HIPK4: variants seen among roughly 807,000 people sequenced by gnomAD.
HIPK4 encodes homeodomain-interacting protein kinase 4.
HIPK4 carries 26 observed loss-of-function variants against 44.8 expected under a neutral mutation model. The ratio of observed to expected loss-of-function variants is 0.58; its 90% confidence interval spans 0.43 to 0.80. The LOEUF (loss-of-function observed/expected upper bound fraction) is 0.80. HIPK4 is among the 30% of genes least tolerant of loss of function. The pLI is 0.00. For synonymous variants in HIPK4, 340 were observed against 355.5 expected (o/e 0.96, Z 0.49); for missense variants, 729 against 862.6 (o/e 0.85, Z 1.94).
chr19:40,389,110 G>A lies in HIPK4; in HGVS notation c.465+328C>T, dbSNP rs1201648186. On this transcript the variant is annotated intron_variant, in intron 1 of 3. Transcript: ENST00000291823. This position sits in a 1 kb window ranked among gnomAD's most constrained non-coding sequence, Gnocchi z 4.6. ...AGGCAGGAGAATCGCTTGAACCCGG[G>A]AGGCGGAGGCAGTGAACCAAGATCA... Among the ~76,000 whole-genome samples the A allele has an allele frequency of 3.3e-5, 5 of 151,374 alleles. No individual in the cohort carries two copies. The highest frequency in any genetic ancestry group is 1.2e-4 in the African/African-American group (5 of 41,096).
chr19:40,389,549 C>T lies in HIPK4; in HGVS notation c.354G>A (p.Leu118=). The T allele has an allele frequency of 6.2e-7, 1 of 1,613,804 alleles. No individual in the cohort carries two copies. The highest frequency in any genetic ancestry group is 1.3e-5 in the African/African-American group (1 of 74,920). The change falls in exon 1 of 4, where the codon CTG becomes CTA. Residue 118 remains leucine, a synonymous_variant. Transcript: ENST00000291823. This position sits in a 1 kb window ranked among gnomAD's most constrained non-coding sequence, Gnocchi z 4.6. ...LPARHIRTVT[L]QVLTALARLK... ...GCCGGGCCAGGGCTGTGAGCACCTGCAGGGTGACTGTACGGATGTGGCGGG... is the reference window on the plus strand; with the variant it reads ...GCCGGGCCAGGGCTGTGAGCACCTGTAGGGTGACTGTACGGATGTGGCGGG...
rs201954765 is a variant in HIPK4 at position 40,380,334 on chromosome 19, T to A, written c.1657A>T (p.Met553Leu). The stretch of plus-strand genomic sequence containing the variant: ...CGCACCCGGCTCACCTCAGCTTCCA[T>A]GGTCATGTTGTCAATGTTGGGCCCA... ...EDGPNIDNMT[M>L]EAERPDPELF... The change falls in exon 3 of 4, where the codon ATG becomes TTG. Residue 553 changes from methionine to leucine, a missense_variant. Met to Leu is a conservative substitution (Grantham distance 15). Around this residue, in one of 2 missense-constraint regions of HIPK4, gnomAD observed 533 missense variants for 567.5 expected, o/e 0.94. Coordinates refer to ENST00000291823, the MANE Select transcript of HIPK4 (RefSeq NM_144685.5). This position sits in a 1 kb window ranked among gnomAD's most constrained non-coding sequence, Gnocchi z 4.2. 11 of 1,612,812 alleles carry A rather than the reference T, an allele frequency of 6.8e-6. No homozygotes were observed. The highest frequency in any genetic ancestry group is 9.3e-6 in the Non-Finnish European group (11 of 1,178,924).
chr19:40,381,227 C>A, intron 2 of HIPK4, 59 bp from the exon 3 acceptor site: 1 of 1,407,874 alleles, frequency 7.1e-7, no homozygotes, highest in Non-Finnish European at 9.7e-7. Context: ...GGGCCCTGGG[C>A]ACTCCTGCTG....
chr19:40,385,111 G>A (rs550371347), intron 1 of HIPK4, among the ~76,000 whole-genome samples: 5 of 152,166 alleles, frequency 3.3e-5, no homozygotes, highest in South Asian at 4.2e-4. Context: ...CCACAGCCCC[G>A]ACCCTGGTCC....
Position 40,386,551 on chromosome 19 carries a change from G to A in HIPK4, c.466-2412C>T, listed in dbSNP as rs182803267. On this transcript the variant is annotated intron_variant, in intron 1 of 3. Coordinates refer to ENST00000291823, the MANE Select transcript of HIPK4 (RefSeq NM_144685.5). ...TAACTTTTTGTAGAGATAGAGATGG[G>A]TCTCACTATGTTGCCCAGGATGGCT... Among the ~76,000 whole-genome samples, 39 of 151,834 alleles carry A rather than the reference G, an allele frequency of 2.6e-4. No individual in the cohort carries two copies. In the East Asian group the frequency reaches 7.1e-3, roughly 27 times the overall value.
At position 40,380,669 on chromosome 19, in the gene HIPK4, A is replaced by T. The variant is rs1347126238; in HGVS notation, c.1322T>A (p.Leu441Gln). Residue 441 changes from leucine to glutamine, a missense_variant, in exon 3 of 4, where the codon CTG becomes CAG. Around this residue, in one of 2 missense-constraint regions of HIPK4, gnomAD observed 533 missense variants for 567.5 expected, o/e 0.94. Coordinates refer to ENST00000291823, the MANE Select transcript of HIPK4 (RefSeq NM_144685.5). The surrounding 1 kb of genome is among the most constrained non-coding windows in gnomAD (Gnocchi z 4.2). ...CGCATTGGTGCAGGTCTCACCCCAC[A>T]GCCCATGCCCAGCCTCCTGCAGACT... ...DLSLQEAGHG[L>Q]WGETCTNAVS... 13 of 1,613,924 alleles carry T rather than the reference A, an allele frequency of 8.1e-6. No individual in the cohort carries two copies. The highest frequency in any genetic ancestry group is 1.1e-5 in the Non-Finnish European group (13 of 1,179,956).
chr19:40,382,052 C>T (rs1227403083), intron 2 of HIPK4, among the ~76,000 whole-genome samples: 1 of 151,928 alleles, frequency 6.6e-6, no homozygotes, highest in African/African-American at 2.4e-5. Flanking sequence ...GTGATCCACC[C>T]ACCTCGGCCT....
rs1251304652 is a variant in HIPK4, at chr19:40,381,030, C to T, written c.961G>A (p.Val321Met). 1 of 1,613,588 alleles carries T rather than the reference C, an allele frequency of 6.2e-7. No individual in the cohort carries two copies. The highest frequency in any genetic ancestry group is 8.5e-7 in the Non-Finnish European group (1 of 1,180,026). The change falls in exon 3 of 4, where the codon GTG becomes ATG. Residue 321 changes from valine (V) to methionine (M), a missense_variant. Val to Met is a conservative substitution (Grantham distance 21). This residue lies in a region of HIPK4 where 533 missense variants were observed against 567.5 expected (regional missense o/e 0.94). Transcript: ENST00000291823. Reference protein sequence around the residue: ...LAEHADLKSMVELIKRMLTWE... With the variant: ...LAEHADLKSMMELIKRMLTWE... ...GTCAGCATGCGCTTGATCAGCTCCA[C>T]CATGCTCTTGAGGTCGGCGTGCTCC... is the stretch of plus-strand genomic sequence containing the variant.
chr19:40,385,650 G>T (rs1046782061), intron 1 of HIPK4, among the ~76,000 whole-genome samples: 1 of 141,696 alleles, frequency 7.1e-6, no homozygotes, highest in East Asian at 2.1e-4. Context: ...TCTATCCCCC[G>T]CCAGGCCCCT....
chr19:40,387,384 C>T (rs1010803803), intron 1 of HIPK4, among the ~76,000 whole-genome samples: 2 of 152,132 alleles, frequency 1.3e-5, no homozygotes, highest in East Asian at 1.9e-4. Context: ...ACCAACATTG[C>T]GAATGGCCGA....
intron 1 of HIPK4, among the ~76,000 whole-genome samples, chr19:40,385,906 C>T (rs1314736863): frequency 2.0e-5 from 3 of 151,532 alleles, no homozygotes; most frequent in South Asian, 2.1e-4. Context: ...CGGGGTTTCA[C>T]GATGATGGCC....
chr19:40,385,687 T>C (rs979183596), intron 1 of HIPK4, among the ~76,000 whole-genome samples: 4 of 134,796 alleles, frequency 3.0e-5, no homozygotes, highest in African/African-American at 5.6e-5. Flanking sequence ...TCTTTTCTTT[T>C]TTTTTTTTTT....
Position 40,379,448 on chromosome 19 carries a change from A to C in HIPK4, c.*139T>G. 3.5e-5 allele frequency: 26 copies of C among 748,534 alleles called. No individual in the cohort carries two copies. The highest frequency in any genetic ancestry group is 4.5e-5 in the Non-Finnish European group (22 of 486,354). 46.4% of individuals were successfully genotyped at this position (748,534 alleles called of 1,614,324 possible). A position where few individuals can be genotyped will look rare whatever the true frequency, so the allele number is the denominator to read the frequency against. On this transcript the variant is annotated 3_prime_UTR_variant, in exon 4 of 4. Coordinates refer to ENST00000291823, the MANE Select transcript of HIPK4 (RefSeq NM_144685.5). Reference sequence around the variant, plus strand: ...GCACGCACCGCACCGCAGACGGGGAATGAGAATTTCTGGATAACTATCTTT... The same window carrying C: ...GCACGCACCGCACCGCAGACGGGGACTGAGAATTTCTGGATAACTATCTTT...
rs2079320761 is a variant in HIPK4, at chr19:40,379,723, C to G, written c.1715G>C (p.Trp572Ser). The G allele has an allele frequency of 1.2e-6, 2 of 1,611,552 alleles. No individual in the cohort carries two copies. Among genetic ancestry groups the G allele is most frequent in the Non-Finnish European group, 1.7e-6 (2 of 1,179,358 alleles). Residue 572 changes from tryptophan (W) to serine (S), a missense_variant, in exon 4 of 4, where the codon TGG (tryptophan) becomes TCG (serine). This residue lies in a region of HIPK4 where 533 missense variants were observed against 567.5 expected (regional missense o/e 0.94). Coordinates refer to ENST00000291823, the MANE Select transcript of HIPK4 (RefSeq NM_144685.5). ...LFDPSSCPGE[W>S]LSEPDCTLES... ...CAGGGTGCAGTCTGGCTCACTCAGC[C>G]ATTCTCCAGGACAGCTGCTGGGGTC...
In HIPK4 at chr19:40,380,657, G is replaced by T; in HGVS notation, c.1334C>A (p.Thr445Asn). ...QEAGHGLWGETCTNAVSDMMV... is the reference protein window; with the variant it reads ...QEAGHGLWGENCTNAVSDMMV... Reference sequence around the variant, plus strand: ...CATGTCGGAGACCGCATTGGTGCAGGTCTCACCCCACAGCCCATGCCCAGC... The same window carrying T: ...CATGTCGGAGACCGCATTGGTGCAGTTCTCACCCCACAGCCCATGCCCAGC... Residue 445 changes from threonine to asparagine, a missense_variant, in exon 3 of 4, where the codon ACC becomes AAC. Thr to Asn is a moderately conservative substitution (Grantham distance 65). Coordinates refer to ENST00000291823, the MANE Select transcript of HIPK4 (RefSeq NM_144685.5). The surrounding 1 kb of genome is among the most constrained non-coding windows in gnomAD (Gnocchi z 4.2). 1.2e-6 allele frequency: 2 copies of T among 1,613,968 alleles called. No homozygotes were observed. The highest frequency in any genetic ancestry group is 1.1e-5 in the South Asian group (1 of 91,088).
At chr19:40,388,152 G>C (rs1475066420) in intron 1 of HIPK4, among the ~76,000 whole-genome samples, 1 of 151,788 alleles carries the variant, frequency 6.6e-6, no homozygotes, top group Admixed American at 6.6e-5. Context: ...GGAGTAGCTA[G>C]GATTACAGGT....
intron 2 of HIPK4, 125 bp downstream of exon 2, chr19:40,383,658 G>C (rs1420704412): frequency 5.3e-6 from 4 of 756,096 alleles, no homozygotes; most frequent in Non-Finnish European, 8.8e-6. Context: ...CTAGGCTCAA[G>C]GGATCCTCCC....
rs2079330857 is a variant in HIPK4 at position 40,380,781 on chromosome 19, T to C, written c.1210A>G (p.Met404Val). 2 of 1,613,918 alleles carry C rather than the reference T, an allele frequency of 1.2e-6. No individual in the cohort carries two copies. Among genetic ancestry groups the C allele is most frequent in the Non-Finnish European group, 1.7e-6 (2 of 1,179,986 alleles). Residue 404 changes from methionine (M) to valine (V), a missense_variant, in exon 3 of 4, where the codon ATG (methionine) becomes GTG (valine). Physicochemically the swap from Met to Val is conservative, Grantham distance 21. Around this residue, in one of 2 missense-constraint regions of HIPK4, gnomAD observed 533 missense variants for 567.5 expected, o/e 0.94. Coordinates refer to ENST00000291823, the MANE Select transcript of HIPK4 (RefSeq NM_144685.5). This position sits in a 1 kb window ranked among gnomAD's most constrained non-coding sequence, Gnocchi z 4.2. ...GGGCTGCTGCCGGCCACACTGCCCA[T>C]ACCCGCAGCCTCCTTCTCCTCAGCC... is the stretch of plus-strand genomic sequence containing the variant. The part of the protein sequence containing the change: ...CLAEEKEAAG[M>V]GSVAGSSPFF...
Position 40,379,299 on chromosome 19 carries a change from A to G in HIPK4, c.*288T>C. 1 of 419,150 alleles carries G rather than the reference A, an allele frequency of 2.4e-6. No homozygotes were observed. Among genetic ancestry groups the G allele is most frequent in the South Asian group, 3.6e-5 (1 of 27,892 alleles). 26.0% of individuals were successfully genotyped at this position (419,150 alleles called of 1,614,324 possible). On this transcript the variant is annotated 3_prime_UTR_variant, in exon 4 of 4. Coordinates refer to ENST00000291823, the MANE Select transcript of HIPK4 (RefSeq NM_144685.5). Reference sequence around the variant, plus strand: ...TGAACAGTTCTATATTGAAATAGACAGAGGCAGCAGGGCCAAGGGCGAGCG... The same window carrying G: ...TGAACAGTTCTATATTGAAATAGACGGAGGCAGCAGGGCCAAGGGCGAGCG...
Sources: allele counts gnomAD v4.1 joint callset (sites outside exome capture counted in the v4.1 genomes callset), GRCh38; gene constraint gnomAD v4.1.1; regional missense constraint gnomAD v4.1.1; non-coding constraint Gnocchi (gnomAD v3.1); transcripts MANE v1.5; gene names NCBI Gene and HGNC (gene_info 2026-07-23, HGNC 2026-07-21).